The following SP140 variants were observed in gnomAD, a reference collection of about 807,000 sequenced individuals.
SP140 encodes the protein SP140 nuclear body protein.
SP140 carries 81 observed loss-of-function variants against 125.0 expected under a neutral mutation model. The observed-to-expected ratio is 0.65, with a 90% CI of 0.54 to 0.78. The LOEUF is 0.78. SP140 is among the 30% of genes least tolerant of loss of function. The pLI, the probability that SP140 is intolerant of heterozygous loss-of-function variation, is 0.00. For missense variants in SP140, 858 were observed against 1,037.0 expected, an observed-to-expected ratio of 0.83 and a Z score of 2.37; for synonymous variants, 312 against 354.0, an observed-to-expected ratio of 0.88 and a Z score of 1.33.
chr2:230,244,549 A>G (rs532165133), intron 5 of SP140, among the ~76,000 whole-genome samples: 1 of 152,186 alleles, frequency 6.6e-6, no homozygotes, highest in Non-Finnish European at 1.5e-5. Context: ...CTTATTCAGC[A>G]AAAGCATTTC....
intron 20 of SP140, among the ~76,000 whole-genome samples, chr2:230,293,550 T>C (rs895317331): frequency 6.6e-6 from 1 of 152,192 alleles, no homozygotes; most frequent in African/African-American, 2.4e-5. Context: ...TTGGCCAGGC[T>C]GATCTCGAAT....
At chr2:230,235,437 A>G (rs1193689316) in intron 1 of SP140, among the ~76,000 whole-genome samples, 1 of 152,216 alleles carries the variant, frequency 6.6e-6, no homozygotes, top group Non-Finnish European at 1.5e-5. Context: ...CTAGTGAAAG[A>G]GGAGAAAAAC....
intron 3 of SP140, among the ~76,000 whole-genome samples, chr2:230,239,691 TG>T (rs2048451048): frequency 6.6e-6 from 1 of 152,204 alleles, no homozygotes; most frequent in African/African-American, 2.4e-5. Flanking sequence ...TCAGGTGATC[TG>T]CCTGCCTTGG....
chr2:230,194,706 C>A, the SP140 span, among the ~76,000 whole-genome samples: 1 of 152,198 alleles, frequency 6.6e-6, no homozygotes, highest in Admixed American at 6.5e-5. Flanking sequence ...AACTGAAAGT[C>A]TGAATCCTGC....
At chr2:230,220,803 A>G (rs1020792094), upstream of SP140, among the ~76,000 whole-genome samples, 12 of 152,196 alleles carry the variant, frequency 7.9e-5, no homozygotes, top group African/African-American at 2.9e-4. Flanking sequence ...TAGGAGTTTG[A>G]GACCAGTCTG....
intron 1 of SP140, chr2:230,212,677 G>T: frequency 6.5e-7 from 1 of 1,542,882 alleles, no homozygotes; most frequent in Non-Finnish European, 9.0e-7. Context: ...GACAATAAAA[G>T]TCAAGATGCT....
At chr2:230,195,769 T>C in the SP140 span, among the ~76,000 whole-genome samples, 51 of 152,084 alleles carry the variant, frequency 3.4e-4, no homozygotes, top group African/African-American at 1.2e-3. Flanking sequence ...TTTAAAAAAT[T>C]AAAAATATAC....
rs2044274250 is a variant in SP140, at chr2:230,209,833, G to T, written c.-322-3821G>T. ...GAACTGTGTGTGGCATCAGGACTGTGGTCACATAGTGGTGCTCTTGACAAG... is the reference window on the plus strand; with the variant it reads ...GAACTGTGTGTGGCATCAGGACTGTTGTCACATAGTGGTGCTCTTGACAAG... On this transcript the variant is annotated intron_variant, in intron 1 of 4. Transcript: ENST00000456542. 6.3e-6 allele frequency: 5 copies of T among 793,988 alleles called. No homozygotes were observed. In the Admixed American group the frequency reaches 8.5e-5, roughly 14 times the overall value. The allele number at this position is 793,988 out of a possible 1,614,324, so 49.2% of individuals were successfully genotyped here.
intron 12 of SP140, among the ~76,000 whole-genome samples, chr2:230,259,191 C>T (rs1234948394): frequency 1.3e-5 from 2 of 151,958 alleles, no homozygotes; most frequent in African/African-American, 4.8e-5. Context: ...TTTTGGTGCA[C>T]CCATCACCTG....
intron 3 of SP140, chr2:230,238,923 T>C: frequency 6.5e-7 from 1 of 1,548,236 alleles, no homozygotes; most frequent in Non-Finnish European, 8.7e-7. Context: ...CCGAACCATG[T>C]GGTTGAATTG....
intron 1 of SP140, among the ~76,000 whole-genome samples, chr2:230,235,868 GTTTTTTTTTTTTTTT>G (rs984054259): frequency 1.3e-5 from 1 of 77,974 alleles, no homozygotes; most frequent in East Asian, 3.9e-4. Context: ...TCTTGTGACT[GTTTTTTTTTTTTTTT>G]TTTTTTTTTT....
At chr2:230,260,318 G>A (rs185223771) in intron 12 of SP140, among the ~76,000 whole-genome samples, 138 of 152,228 alleles carry the variant, frequency 9.1e-4, no homozygotes, top group African/African-American at 3.2e-3. Context: ...ATTTGTTTAA[G>A]TTCATTGTAG....
rs56817002 is a variant in SP140 at position 230,206,595 on chromosome 2, TTATATATATA to T, written c.-323+3350_-323+3359del. 9.7e-3 allele frequency among the ~76,000 whole-genome samples: 681 copies of T among 70,496 alleles called. 21 individuals carry two copies. Among genetic ancestry groups the T allele is most frequent in the African/African-American group, 0.028 (577 of 20,946 alleles). The allele number at this position is 70,496 out of a possible 152,430, so 46.2% of individuals were successfully genotyped here. On this transcript the variant is annotated intron_variant, in intron 1 of 4. Coordinates refer to the SP140 transcript ENST00000456542. ...TATTATATATTATCTGGTCCAGATT[TTATATATATA>T]TATATATATATATATATATATATAT...
chr2:230,286,894 T>C (rs1034490805), intron 17 of SP140, among the ~76,000 whole-genome samples: 4 of 152,324 alleles, frequency 2.6e-5, no homozygotes, highest in Non-Finnish European at 5.9e-5. Context: ...GCTTAGAACT[T>C]ATAGTACTTA....
chr2:230,199,293 C>T (rs1225329227), upstream of SP140, among the ~76,000 whole-genome samples: 1 of 143,316 alleles, frequency 7.0e-6, no homozygotes, highest in Admixed American at 7.3e-5. Flanking sequence ...GCTGCAACCT[C>T]TGCCTCCTGG....
chr2:230,259,419 T>G (rs2051804963), intron 12 of SP140, among the ~76,000 whole-genome samples: 1 of 151,962 alleles, frequency 6.6e-6, no homozygotes, highest in Non-Finnish European at 1.5e-5. Flanking sequence ...GGCTCACGCC[T>G]GTAGTCCCAG....
At chr2:230,207,596 C>A (rs927302322) in intron 1 of SP140, among the ~76,000 whole-genome samples, 7 of 152,332 alleles carry the variant, frequency 4.6e-5, no homozygotes, top group African/African-American at 1.7e-4. Context: ...GGCATTACCA[C>A]TTACTTGTTC....
intron 1 of SP140, among the ~76,000 whole-genome samples, chr2:230,229,456 C>CTTTTTTTTTTTTTTTTTTT (rs1163771237): frequency 3.5e-5 from 2 of 57,612 alleles, no homozygotes; most frequent in Admixed American, 2.0e-4. Context: ...TGAAGAAATT[C>CTTTTTTTTTTTTTTTTTTT]TTTTTTTTTT....
chr2:230,300,931 A>G (rs2058225802), intron 22 of SP140, among the ~76,000 whole-genome samples: 1 of 152,220 alleles, frequency 6.6e-6, no homozygotes, highest in Non-Finnish European at 1.5e-5. Context: ...AAAAGTCTCC[A>G]GAGAAATAGA....
Sources: allele counts gnomAD v4.1 joint callset (sites outside exome capture counted in the v4.1 genomes callset), GRCh38; gene constraint gnomAD v4.1.1; transcripts MANE v1.5; gene names NCBI Gene and HGNC (gene_info 2026-07-23, HGNC 2026-07-21).